TMEFF1: variants seen among roughly 807,000 people sequenced by gnomAD.
TMEFF1 encodes tomoregulin-1.
Under a neutral mutation model 47.5 loss-of-function variants are expected in TMEFF1, and 20 were observed. That is an observed-to-expected ratio of 0.42 (90% confidence interval 0.30 to 0.61). TMEFF1 has a LOEUF of 0.61. Ranked by LOEUF, TMEFF1 falls within the 20% of genes least tolerant of loss-of-function variation. The pLI, the probability that TMEFF1 is intolerant of heterozygous loss-of-function variation, is 0.19. For synonymous variants in TMEFF1, 162 were observed against 166.3 expected (o/e 0.97, Z 0.20); for missense variants, 411 against 471.1 (o/e 0.87, Z 1.18).
Position 100,576,582 on chromosome 9 carries a change from G to A in TMEFF1, c.1125G>A (p.Thr375=), listed in dbSNP as rs201911679. The A allele has an allele frequency of 8.4e-5, 136 of 1,613,064 alleles. No individual in the cohort carries two copies. Among genetic ancestry groups the A allele is most frequent in the Middle Eastern group, 1.7e-4 (1 of 6,044 alleles). ...KQNLGHFTSD[T]SSRMV ...ACCTAGGTCATTTTACTTCAGATAC[G>A]TCATCCAGAATGGTTTAAACTGATG... The change falls in exon 10 of 10, where the codon ACG becomes ACA. Residue 375 remains threonine, a synonymous_variant. Transcript: ENST00000374879.
chr9:100,526,815 A>G (rs1838262042), intron 5 of TMEFF1, among the ~76,000 whole-genome samples: 1 of 151,750 alleles, frequency 6.6e-6, no homozygotes, highest in Non-Finnish European at 1.5e-5. Flanking sequence ...TTTGTGTAAG[A>G]GTGAAATTAT....
At position 100,561,580 on chromosome 9, in the gene TMEFF1, A is replaced by G. The variant is rs1839016408; in HGVS notation, c.899+60A>G. ...TTTTTTCATCAATGGTTGTTGCTCT[A>G]TAGAAGGGAATGAAATGTAGACTAA... is the stretch of plus-strand genomic sequence containing the variant. On this transcript the variant is annotated intron_variant, in intron 8 of 9. Coordinates refer to ENST00000374879, the MANE Select transcript of TMEFF1 (RefSeq NM_003692.5). 1.5e-5 allele frequency: 22 copies of G among 1,512,778 alleles called. No individual in the cohort carries two copies. In the East Asian group the frequency reaches 3.4e-4, roughly 23 times the overall value. 93.7% of individuals were successfully genotyped at this position (1,512,778 alleles called of 1,614,324 possible). A position where few individuals can be genotyped will look rare whatever the true frequency, so the allele number is the denominator to read the frequency against.
chr9:100,552,541 A>G (rs1213796250), intron 7 of TMEFF1, among the ~76,000 whole-genome samples: 1 of 152,132 alleles, frequency 6.6e-6, no homozygotes, highest in Non-Finnish European at 1.5e-5. Flanking sequence ...CACTTTGTTC[A>G]GTATAAATTT....
At chr9:100,544,091 T>C (rs1211227641) in intron 5 of TMEFF1, among the ~76,000 whole-genome samples, 1 of 151,520 alleles carries the variant, frequency 6.6e-6, no homozygotes, top group Non-Finnish European at 1.5e-5. Context: ...CATGCTGATA[T>C]ATATATATAT....
intron 5 of TMEFF1, 111 bp from the exon 6 acceptor site, chr9:100,547,633 A>G (rs137929534): frequency 2.4e-6 from 3 of 1,258,884 alleles, no homozygotes; most frequent in Admixed American, 6.4e-5. Context: ...TTAAAACAAT[A>G]TATTGACTTC....
At chr9:100,501,725 A>G (rs537838828) in intron 2 of TMEFF1, among the ~76,000 whole-genome samples, 1 of 151,934 alleles carries the variant, frequency 6.6e-6, no homozygotes, top group South Asian at 2.1e-4. Flanking sequence ...GCTCACTGCA[A>G]CCTCCGCCTC....
intron 5 of TMEFF1, among the ~76,000 whole-genome samples, chr9:100,521,060 G>C (rs1226805463): frequency 6.6e-6 from 1 of 152,138 alleles, no homozygotes; most frequent in Non-Finnish European, 1.5e-5. Flanking sequence ...TTGCTTCTCT[G>C]CTTCCCTGGA....
intron 5 of TMEFF1, among the ~76,000 whole-genome samples, chr9:100,530,390 A>G (rs1461316996): frequency 2.0e-5 from 3 of 152,276 alleles, no homozygotes; most frequent in African/African-American, 4.8e-5. Flanking sequence ...GCAATAAAAA[A>G]TGATAAAGGG....
At chr9:100,488,949 G>C (rs181024175) in intron 1 of TMEFF1, among the ~76,000 whole-genome samples, 1 of 151,956 alleles carries the variant, frequency 6.6e-6, no homozygotes, top group Non-Finnish European at 1.5e-5. Flanking sequence ...GCATGTTAAA[G>C]TATACAATTC....
At chr9:100,514,299 G>A in intron 4 of TMEFF1, among the ~76,000 whole-genome samples, 1 of 151,084 alleles carries the variant, frequency 6.6e-6, no homozygotes. Flanking sequence ...GAAATTCAAG[G>A]ATGACAGTTT....
At chr9:100,565,678 C>T (rs757376000) in intron 8 of TMEFF1, among the ~76,000 whole-genome samples, 4 of 152,192 alleles carry the variant, frequency 2.6e-5, no homozygotes, top group Non-Finnish European at 5.9e-5. Flanking sequence ...TCCAAGTTCA[C>T]TGAGAAAATG....
At chr9:100,491,671 T>C (rs1027551848) in intron 1 of TMEFF1, among the ~76,000 whole-genome samples, 5 of 152,258 alleles carry the variant, frequency 3.3e-5, no homozygotes, top group South Asian at 2.1e-4. Context: ...CATGGGATGG[T>C]TGAAGGCAGA....
chr9:100,531,493 T>A (rs1035421902), intron 5 of TMEFF1, among the ~76,000 whole-genome samples: 12 of 152,074 alleles, frequency 7.9e-5, no homozygotes, highest in African/African-American at 2.9e-4. Context: ...CACAATTGCT[T>A]CAAAGAGAAT....
chr9:100,572,383 C>T, intron 8 of TMEFF1, 135 bp from the exon 9 acceptor site: 1 of 1,001,500 alleles, frequency 1.0e-6, no homozygotes, highest in Non-Finnish European at 1.3e-6. Flanking sequence ...GACATTTTTC[C>T]CCCAGATGGT....
chr9:100,502,980 T>G (rs1205613596), intron 2 of TMEFF1, among the ~76,000 whole-genome samples: 1 of 152,214 alleles, frequency 6.6e-6, no homozygotes, highest in Admixed American at 6.5e-5. Context: ...TTGATCTTGC[T>G]GCCGAGTGAA....
rs869111876 is a variant in TMEFF1 at position 100,522,430 on chromosome 9, C to CTTTTTTTTTT, written c.560+5675_560+5684dup. Among the ~76,000 whole-genome samples the CTTTTTTTTTT allele has an allele frequency of 7.5e-4, 52 of 69,642 alleles. 6 individuals are homozygous for CTTTTTTTTTT. The highest frequency in any genetic ancestry group is 9.0e-4 in the Admixed American group (4 of 4,434). The allele number at this position is 69,642 out of a possible 152,430, so 45.7% of individuals were successfully genotyped here. ...AGGTTCCTTTATCCAGAAATATCTTCTTTTTTTTTTTTTTTTTTTTTTTTT... is the reference window on the plus strand; with the variant it reads ...AGGTTCCTTTATCCAGAAATATCTTCTTTTTTTTTTTTTTTTTTTTTTTTTTTTTTTTTTT... On this transcript the variant is annotated intron_variant, in intron 5 of 9. Transcript: ENST00000374879.
chr9:100,560,966 C>A lies in TMEFF1; in HGVS notation c.776-431C>A, dbSNP rs189852581. On this transcript the variant is annotated intron_variant, in intron 7 of 9. Transcript: ENST00000374879. ...GTCCCTTAATTTGCTCTCTGTCATT[C>A]AGTGTTCTTTGGCCTCAATTTCATA... 7.2e-5 allele frequency among the ~76,000 whole-genome samples: 11 copies of A among 152,296 alleles called. No individual in the cohort carries two copies. In the East Asian group the frequency reaches 1.9e-3, roughly 27 times the overall value.
intron 5 of TMEFF1, among the ~76,000 whole-genome samples, chr9:100,538,199 C>A (rs1838557607): frequency 6.6e-6 from 1 of 152,082 alleles, no homozygotes; most frequent in African/African-American, 2.4e-5. Flanking sequence ...ACTACAGGTG[C>A]CTGCCACCAC....
rs1312232632 is a variant in TMEFF1 at position 100,473,615 on chromosome 9, C to T, written c.71C>T (p.Thr24Met). 1.9e-6 allele frequency: 3 copies of T among 1,559,846 alleles called. No individual in the cohort carries two copies. The highest frequency in any genetic ancestry group is 2.7e-5 in the African/African-American group (2 of 72,994). The change falls in exon 1 of 10, where the codon ACG becomes ATG. Residue 24 changes from threonine to methionine, a missense_variant. Transcript: ENST00000374879. The surrounding 1 kb of genome is among the most constrained non-coding windows in gnomAD (Gnocchi z 5.4). ...CCTCCGCTCGCCTTCTGCTGCTACA[C>T]GTCGGTGCTTCTGCTCTTCGCCTTC... ...AAPPLAFCCY[T>M]SVLLLFAFSL...
Sources: gnomAD v4.1 joint callset for allele counts (sites outside exome capture counted in the v4.1 genomes callset) on GRCh38, gnomAD v4.1.1 for gene constraint, Gnocchi (gnomAD v3.1) non-coding constraint, MANE v1.5 for transcripts, NCBI Gene and HGNC (gene_info 2026-07-23, HGNC 2026-07-21) for gene names.